MCTP2: variants seen among roughly 807,000 people sequenced by gnomAD.
The protein encoded by MCTP2 is multiple C2 and transmembrane domain containing 2.
In MCTP2, 132 loss-of-function variants were observed where a neutral mutation model predicts 111.6. The ratio of observed to expected loss-of-function variants is 1.18; its 90% confidence interval spans 1.03 to 1.37. The LOEUF (loss-of-function observed/expected upper bound fraction) is 1.37. MCTP2 is among the 40% of genes most tolerant of loss of function. The probability of loss-of-function intolerance (pLI) is 0.00; values close to 1 mark genes in which losing one functional copy is unlikely to be tolerated. For missense variants in MCTP2, 1,183 were observed against 1,067.9 expected (o/e 1.11, Z -1.50); for synonymous variants, 395 against 387.7 (o/e 1.02, Z -0.22).
chr15:94,279,760 CT>C (rs1221965719), intron 1 of MCTP2, among the ~76,000 whole-genome samples: 3 of 151,564 alleles, frequency 2.0e-5, no homozygotes, highest in Non-Finnish European at 4.4e-5. Context: ...TTGCTGCTCT[CT>C]TTTTATTTAT....
chr15:94,424,723 C>T (rs2082795369), intron 17 of MCTP2, among the ~76,000 whole-genome samples: 1 of 152,110 alleles, frequency 6.6e-6, no homozygotes, highest in Non-Finnish European at 1.5e-5. Context: ...AAACTCTTGG[C>T]GTTATCTGAC....
intron 17 of MCTP2, among the ~76,000 whole-genome samples, chr15:94,430,406 C>G (rs930801473): frequency 2.1e-5 from 3 of 143,528 alleles, no homozygotes; most frequent in African/African-American, 8.1e-5. Flanking sequence ...CACACACACA[C>G]ACACACACAC....
chr15:94,279,982 G>A (rs1322737189), intron 1 of MCTP2, among the ~76,000 whole-genome samples: 2 of 152,088 alleles, frequency 1.3e-5, no homozygotes, highest in East Asian at 3.8e-4. Flanking sequence ...GCTTTTTGAT[G>A]TGCTGCTGGA....
intron 3 of MCTP2, 126 bp from the exon 4 acceptor site, chr15:94,315,403 G>T: frequency 1.6e-6 from 1 of 641,344 alleles, no homozygotes; most frequent in Non-Finnish European, 2.8e-6. Flanking sequence ...GTGAGGAGGA[G>T]TTGGGGATGA....
At chr15:94,452,069 A>G (rs528132083) in intron 19 of MCTP2, among the ~76,000 whole-genome samples, 17 of 152,234 alleles carry the variant, frequency 1.1e-4, no homozygotes, top group African/African-American at 4.1e-4. Flanking sequence ...ATGATCACCA[A>G]GCTAGTAGAT....
At chr15:94,242,684 GT>G (rs55727019) in intron 1 of MCTP2, among the ~76,000 whole-genome samples, 63,088 of 150,990 alleles carry the variant, frequency 0.42, 13,517 homozygotes, top group African/African-American at 0.48. Flanking sequence ...GACACTGAAA[GT>G]TTTTTTTTAA....
chr15:94,288,933 G>C (rs935677824), intron 1 of MCTP2, among the ~76,000 whole-genome samples: 8 of 152,192 alleles, frequency 5.3e-5, no homozygotes, highest in Admixed American at 1.3e-4. Flanking sequence ...ACAGAGGAAA[G>C]AGTCAGTAAA....
intron 10 of MCTP2, among the ~76,000 whole-genome samples, chr15:94,365,408 C>T (rs920175233): frequency 1.3e-5 from 2 of 152,126 alleles, no homozygotes; most frequent in African/African-American, 4.8e-5. Context: ...AAAACATTCA[C>T]AGTAGACAGA....
At chr15:94,335,630 A>T (rs1326358942) in intron 4 of MCTP2, among the ~76,000 whole-genome samples, 1 of 152,236 alleles carries the variant, frequency 6.6e-6, no homozygotes, top group East Asian at 1.9e-4. Context: ...CTCCAAAGAT[A>T]ATTATAGAAG....
At chr15:94,441,063 C>T (rs753032867) in intron 18 of MCTP2, among the ~76,000 whole-genome samples, 5 of 152,106 alleles carry the variant, frequency 3.3e-5, no homozygotes, top group Admixed American at 1.3e-4. Context: ...AAACAAAAAT[C>T]TAAAGTCCTA....
chr15:94,478,850 C>A lies in MCTP2; in HGVS notation c.2569-116C>A, dbSNP rs983116757. The A allele has an allele frequency of 1.2e-5, 9 of 775,316 alleles. No homozygotes were observed. The Admixed American group carries it at 1.3e-4, about 11-fold the overall frequency. 48.0% of individuals were successfully genotyped at this position (775,316 alleles called of 1,614,324 possible). A position where few individuals can be genotyped will look rare whatever the true frequency, so the allele number is the denominator to read the frequency against. ...ATGTTCCTGTGTTTAGAAAATGATT[C>A]ATTACCTTTGAACCTTCCTTCCTTT... On this transcript the variant is annotated intron_variant, in intron 22 of 22. Coordinates refer to ENST00000357742, the MANE Select transcript of MCTP2 (RefSeq NM_001385001.1).
intron 1 of MCTP2, among the ~76,000 whole-genome samples, chr15:94,263,588 A>G (rs765973183): frequency 1.1e-4 from 17 of 152,224 alleles, no homozygotes; most frequent in Non-Finnish European, 1.8e-4. Flanking sequence ...GTCCTTAGGA[A>G]CACCAGACAA....
chr15:94,245,380 A>T (rs1250124978), intron 1 of MCTP2, among the ~76,000 whole-genome samples: 1 of 136,090 alleles, frequency 7.3e-6, no homozygotes, highest in African/African-American at 2.8e-5. Flanking sequence ...ATACATATGT[A>T]TATGTATTTA....
intron 20 of MCTP2, among the ~76,000 whole-genome samples, chr15:94,464,239 A>AATATATATATATATATATT (rs1223113940): frequency 3.4e-5 from 3 of 89,364 alleles, no homozygotes; most frequent in African/African-American, 1.4e-4. Flanking sequence ...TTATATATAT[A>AATATATATATATATATATT]ATATATATAT....
intron 20 of MCTP2, among the ~76,000 whole-genome samples, chr15:94,467,281 T>G (rs1210982765): frequency 6.6e-6 from 1 of 152,162 alleles, no homozygotes; most frequent in Non-Finnish European, 1.5e-5. Context: ...AAGAGTGGGT[T>G]TTGTTGCCAC....
At chr15:94,366,408 G>A (rs1009597738) in intron 10 of MCTP2, among the ~76,000 whole-genome samples, 1 of 152,132 alleles carries the variant, frequency 6.6e-6, no homozygotes, top group Non-Finnish European at 1.5e-5. Context: ...TTAAAATCTT[G>A]TAATAAAGTC....
intron 13 of MCTP2, among the ~76,000 whole-genome samples, chr15:94,385,053 A>G (rs533728579): frequency 6.6e-6 from 1 of 152,344 alleles, no homozygotes; most frequent in East Asian, 1.9e-4. Flanking sequence ...CTTAATTTTA[A>G]AAAATGTTAA....
chr15:94,417,815 T>C (rs2082443652), intron 17 of MCTP2, among the ~76,000 whole-genome samples: 1 of 152,172 alleles, frequency 6.6e-6, no homozygotes, highest in African/African-American at 2.4e-5. Context: ...AATTGTACTT[T>C]GCTATAAATA....
chr15:94,312,248 T>C (rs951475162), intron 2 of MCTP2, among the ~76,000 whole-genome samples: 1 of 152,230 alleles, frequency 6.6e-6, no homozygotes, highest in Non-Finnish European at 1.5e-5. Flanking sequence ...TGATAGTGTA[T>C]GGTATAAAAC....
Sources: allele counts gnomAD v4.1 joint callset (sites outside exome capture counted in the v4.1 genomes callset), GRCh38; gene constraint gnomAD v4.1.1; transcripts MANE v1.5; gene names NCBI Gene and HGNC (gene_info 2026-07-23, HGNC 2026-07-21).